Variants in NBPF9 observed in about 807,000 individuals in gnomAD.
The protein encoded by NBPF9 is NBPF member 9.
A neutral mutation model predicts 97.8 loss-of-function variants in NBPF9; 91 were observed. The observed-to-expected ratio is 0.93, with a 90% CI of 0.79 to 1.11. The LOEUF is 1.11. Among genes scored for constraint, NBPF9 ranks in the 50% least tolerant of loss-of-function variants. NBPF9 has a pLI of 0.00. For synonymous variants in NBPF9, 334 were observed against 359.5 expected (o/e 0.93, Z 0.80); for missense variants, 992 against 939.5 (o/e 1.06, Z -0.73).
chr1:149,071,232 A>C lies in NBPF9; in HGVS notation c.1380-93T>G, dbSNP rs1415113881. ...TAGCTGGTTTTGACAGGCGGCATTA[A>C]GAGAGTGGTCCCAGAAAGCAAAATG... On this transcript the variant is annotated intron_variant, in intron 15 of 29. Transcript: ENST00000584027. The C allele has an allele frequency of 1.5e-5, 19 of 1,230,284 alleles. 1 individual carries two copies. The East Asian group carries it at 4.3e-4, about 28-fold the overall frequency. 76.2% of individuals were successfully genotyped at this position (1,230,284 alleles called of 1,614,324 possible).
At chr1:149,055,317 C>T in exon 30 of NBPF9, 1 of 467,216 alleles carries the variant, frequency 2.1e-6, no homozygotes, top group South Asian at 2.3e-5. Flanking sequence ...ATGACAATGA[C>T]CTTGAGCAGG....
chr1:149,079,271 C>T, intron 8 of NBPF9, 50 bp from the exon 9 acceptor site: 3 of 1,180,632 alleles, frequency 2.5e-6, no homozygotes, highest in Non-Finnish European at 3.8e-6. Flanking sequence ...GTTGAGTGAT[C>T]CGTTCAAATA....
At chr1:149,074,709 A>G (rs781872023) in intron 12 of NBPF9, among the ~76,000 whole-genome samples, 1 of 150,878 alleles carries the variant, frequency 6.6e-6, no homozygotes, top group African/African-American at 2.4e-5. Flanking sequence ...TCGGGTGCGA[A>G]CTTTCTTCCT....
chr1:149,098,119 T>G (rs1305768235), intron 4 of NBPF9, among the ~76,000 whole-genome samples: 6 of 133,498 alleles, frequency 4.5e-5, no homozygotes, highest in Non-Finnish European at 6.5e-5. Flanking sequence ...GAGATGGAAA[T>G]GGGGGCAGAG....
At chr1:149,099,138 G>A (rs1331024848) in intron 3 of NBPF9, among the ~76,000 whole-genome samples, 1 of 152,180 alleles carries the variant, frequency 6.6e-6, no homozygotes, top group Non-Finnish European at 1.5e-5. Flanking sequence ...AGATCTTAGT[G>A]AACAAGAATT....
intron 16 of NBPF9, 41 bp downstream of exon 16, chr1:149,070,892 AG>A (rs2079351243): frequency 6.4e-7 from 1 of 1,556,586 alleles, no homozygotes; most frequent in Non-Finnish European, 8.8e-7. Flanking sequence ...TATCTTCCTC[AG>A]CCTAGAGAGA....
intron 25 of NBPF9, 136 bp downstream of exon 25, chr1:149,059,564 G>C: frequency 2.1e-6 from 1 of 471,336 alleles, no homozygotes; most frequent in East Asian, 2.8e-5. Context: ...CTACTGCAAT[G>C]AAAACCAACA....
Position 149,090,553 on chromosome 1 carries a change from A to G in NBPF9, c.-195+200T>C, listed in dbSNP as rs2081349931. The stretch of plus-strand genomic sequence containing the variant: ...GATGCATTAAATTTAAGCCTAATGC[A>G]ATAAAGAATGCCCATAAAATTATTA... On this transcript the variant is annotated intron_variant, in intron 5 of 29. Transcript: ENST00000584027. 5.8e-6 allele frequency: 3 copies of G among 517,744 alleles called. No homozygotes were observed. The South Asian group carries it at 7.2e-5, about 12-fold the overall frequency. 32.1% of individuals were successfully genotyped at this position (517,744 alleles called of 1,614,324 possible). A position where few individuals can be genotyped will look rare whatever the true frequency, so the allele number is the denominator to read the frequency against.
chr1:149,074,077 T>C (rs2079643589), intron 12 of NBPF9, among the ~76,000 whole-genome samples: 1 of 150,926 alleles, frequency 6.6e-6, no homozygotes, highest in African/African-American at 2.4e-5. Context: ...AAAGAGAACC[T>C]CAAGGGCACA....
intron 14 of NBPF9, among the ~76,000 whole-genome samples, chr1:149,071,950 G>A (rs2079446004): frequency 6.6e-6 from 1 of 150,936 alleles, no homozygotes; most frequent in Non-Finnish European, 1.5e-5. Context: ...CCTCTCTCTG[G>A]ACGTTGGCAG....
intron 15 of NBPF9, 74 bp from the exon 16 acceptor site, chr1:149,071,213 G>T (rs587609253): frequency 1.8e-6 from 2 of 1,120,196 alleles, no homozygotes; most frequent in Admixed American, 4.0e-5. Flanking sequence ...GTCCTAGCTG[G>T]TTTTGACAGG....
intron 9 of NBPF9, 125 bp downstream of exon 9, chr1:149,078,882 G>C (rs1239833135): frequency 1.3e-6 from 2 of 1,562,046 alleles, no homozygotes; most frequent in South Asian, 1.1e-5. Flanking sequence ...TCCTGATCGT[G>C]TCATGGCCAC....
Position 149,062,568 on chromosome 1 carries a change from G to A in NBPF9, c.2078+294C>T, listed in dbSNP as rs587731214. Among the ~76,000 whole-genome samples the A allele has an allele frequency of 2.8e-4, 39 of 140,546 alleles. No individual in the cohort carries two copies. In the East Asian group the frequency reaches 6.2e-3, roughly 22 times the overall value. The allele number at this position is 140,546 out of a possible 152,430, so 92.2% of individuals were successfully genotyped here. ...AGTTAGTGCCCTCGGGACACACAGC[G>A]AACAGTGATCATGAAAAGAGTGGGC... On this transcript the variant is annotated intron_variant, in intron 21 of 29. Transcript: ENST00000584027.
chr1:149,070,857 GTT>G, intron 16 of NBPF9, 75 bp downstream of exon 16: 2 of 1,305,500 alleles, frequency 1.5e-6, no homozygotes, highest in Non-Finnish European at 2.2e-6. Flanking sequence ...ATGAATTTGT[GTT>G]TATAGAGCCT....
At chr1:149,071,193 A>G (rs1421383359) in intron 15 of NBPF9, 54 bp from the exon 16 acceptor site, 24 of 1,212,186 alleles carry the variant, frequency 2.0e-5, no homozygotes, top group Middle Eastern at 2.7e-4. Context: ...GAGGGATTGG[A>G]CCCCAGGGAG....
At position 149,058,190 on chromosome 1, in the gene NBPF9, T is replaced by C. The variant is rs1273642351; in HGVS notation, c.2784A>G (p.Glu928=). 9 of 497,920 alleles carry C rather than the reference T, an allele frequency of 1.8e-5. No individual in the cohort carries two copies. The Admixed American group carries it at 2.6e-4, about 15-fold the overall frequency. The allele number at this position is 497,920 out of a possible 1,614,324, so 30.8% of individuals were successfully genotyped here. A position where few individuals can be genotyped will look rare whatever the true frequency, so the allele number is the denominator to read the frequency against. The change falls in exon 27 of 30, where the codon GAA becomes GAG. Residue 928 remains glutamate, a synonymous_variant. Coordinates refer to ENST00000584027, the Ensembl canonical transcript of NBPF9. ...TGGGGCATGGTGGGCCTTGGTCTTC[T>C]TCCTCTTCTTGGTCCTTTTTAATTC...
chr1:149,063,502 C>T lies in NBPF9; in HGVS notation c.2026+131G>A, dbSNP rs1358472290. 116 of 694,600 alleles carry T rather than the reference C, an allele frequency of 1.7e-4. 11 individuals carry two copies. Among genetic ancestry groups the T allele is most frequent in the Admixed American group, 1.1e-3 (54 of 47,652 alleles). The allele number at this position is 694,600 out of a possible 1,614,324, so 43.0% of individuals were successfully genotyped here. Reference sequence around the variant, plus strand: ...CAAGTGGAACTAGAGTTTCATTCAACGTACATGTGCCTATAGGTCCTCCCT... The same window carrying T: ...CAAGTGGAACTAGAGTTTCATTCAATGTACATGTGCCTATAGGTCCTCCCT... On this transcript the variant is annotated intron_variant, in intron 20 of 29. Coordinates refer to ENST00000584027, the Ensembl canonical transcript of NBPF9.
intron 4 of NBPF9, among the ~76,000 whole-genome samples, chr1:149,097,371 A>G (rs1487806041): frequency 6.6e-6 from 1 of 152,138 alleles, no homozygotes; most frequent in African/African-American, 2.4e-5. Flanking sequence ...TCTGAAACAC[A>G]TTATTCCTCT....
At position 149,058,740 on chromosome 1, in the gene NBPF9, C is replaced by T. The variant is rs2078403285; in HGVS notation, c.2758+185G>A. On this transcript the variant is annotated intron_variant, in intron 26 of 29. Coordinates refer to ENST00000584027, the Ensembl canonical transcript of NBPF9. Reference sequence around the variant, plus strand: ...TGGAGACTAGGAATAGAGCCTTGCTCACTGACCCATTTCATGTCTAGGCTT... The same window carrying T: ...TGGAGACTAGGAATAGAGCCTTGCTTACTGACCCATTTCATGTCTAGGCTT... 3.7e-6 allele frequency: 2 copies of T among 541,148 alleles called. 1 individual carries two copies. Among genetic ancestry groups the T allele is most frequent in the Admixed American group, 5.9e-5 (2 of 34,058 alleles). The allele number at this position is 541,148 out of a possible 1,614,324, so 33.5% of individuals were successfully genotyped here. A position where few individuals can be genotyped will look rare whatever the true frequency, so the allele number is the denominator to read the frequency against.
Sources: allele counts gnomAD v4.1 joint callset (sites outside exome capture counted in the v4.1 genomes callset), GRCh38; gene constraint gnomAD v4.1.1; transcripts MANE v1.5; gene names NCBI Gene and HGNC (gene_info 2026-07-23, HGNC 2026-07-21).